The following NDUFAB1 variants were observed in gnomAD, a reference collection of about 807,000 sequenced individuals.
NDUFAB1 encodes the protein NADH:ubiquinone oxidoreductase subunit AB1.
Under a neutral mutation model 16.1 loss-of-function variants are expected in NDUFAB1, and 5 were observed. The ratio of observed to expected loss-of-function variants is 0.31; its 90% CI spans 0.16 to 0.65. The LOEUF is 0.65. Among genes scored for constraint, NDUFAB1 ranks in the 30% least tolerant of loss-of-function variants. The pLI is 0.77. For synonymous variants in NDUFAB1, 85 were observed against 78.4 expected, an observed-to-expected ratio of 1.08 and a Z score of -0.44; for missense variants, 187 against 205.3, an observed-to-expected ratio of 0.91 and a Z score of 0.54.
Position 23,596,127 on chromosome 16 carries a change from G to C in NDUFAB1, c.164C>G (p.Ala55Gly). 2 of 1,606,414 alleles carry C rather than the reference G, an allele frequency of 1.2e-6. No homozygotes were observed. Among genetic ancestry groups the C allele is most frequent in the Non-Finnish European group, 1.7e-6 (2 of 1,176,996 alleles). ...LGTLQPALVL[A>G]QVPGRVTQLC... ...AGCAAAGTCACCACGAGTCACCTGC[G>C]CGAGCACTAAGGCCGGCTGCAAAGT... Residue 55 changes from alanine (A) to glycine (G), a missense_variant, in exon 1 of 5, where the codon GCG becomes GGG. Coordinates refer to ENST00000007516, the MANE Select transcript of NDUFAB1 (RefSeq NM_005003.3).
chr16:23,581,472 G>C (rs187823001), intron 4 of NDUFAB1, among the ~76,000 whole-genome samples: 49 of 151,778 alleles, frequency 3.2e-4, no homozygotes, highest in Non-Finnish European at 6.8e-4. Flanking sequence ...CTTGAACCCA[G>C]GAGGCGGAGG....
rs1477362734 is a variant in NDUFAB1, at chr16:23,582,298, CCTT to C, written c.454_456del (p.Lys152del). The C allele has an allele frequency of 6.4e-7, 1 of 1,561,122 alleles. No homozygotes were observed. The highest frequency in any genetic ancestry group is 8.7e-7 in the Non-Finnish European group (1 of 1,155,648). On this transcript the variant is annotated inframe_deletion, in exon 4 of 5. Transcript: ENST00000007516. ...TACCTGATACTTTATTCATATACAT[CCTT>C]CTTATCTGCAATGTAATCTACAATT...
At chr16:23,590,594 A>G (rs1966271015) in intron 1 of NDUFAB1, among the ~76,000 whole-genome samples, 1 of 151,312 alleles carries the variant, frequency 6.6e-6, no homozygotes, top group Non-Finnish European at 1.5e-5. Flanking sequence ...CGTAGCCCCA[A>G]AATACTTGAT....
intron 3 of NDUFAB1, among the ~76,000 whole-genome samples, chr16:23,583,633 G>A (rs1420310850): frequency 9.8e-5 from 12 of 122,172 alleles, no homozygotes; most frequent in Admixed American, 7.6e-4. Flanking sequence ...CCCCGTCTGA[G>A]AAGTGAGGAG....
chr16:23,591,508 A>C (rs1966278954), intron 1 of NDUFAB1, among the ~76,000 whole-genome samples: 1 of 152,184 alleles, frequency 6.6e-6, no homozygotes, highest in Non-Finnish European at 1.5e-5. Flanking sequence ...CAAACTCAAC[A>C]GTTTGGAAAT....
At chr16:23,596,090 T>A in intron 1 of NDUFAB1, 33 bp downstream of exon 1, 1 of 1,593,238 alleles carries the variant, frequency 6.3e-7, no homozygotes, top group South Asian at 1.1e-5. Context: ...TCCCTGACCC[T>A]TGCCAAGCGG....
chr16:23,584,755 A>G (rs1046496808), intron 3 of NDUFAB1, among the ~76,000 whole-genome samples: 2 of 152,160 alleles, frequency 1.3e-5, no homozygotes, highest in African/African-American at 4.8e-5. Context: ...ATCTGTGAGG[A>G]ATTTTAACTA....
At chr16:23,581,465 G>T (rs1286203040) in intron 4 of NDUFAB1, among the ~76,000 whole-genome samples, 1 of 151,232 alleles carries the variant, frequency 6.6e-6, no homozygotes, top group Non-Finnish European at 1.5e-5. Context: ...AGAATTGCTT[G>T]AACCCAGGAG....
rs574003194 is a variant in NDUFAB1, at chr16:23,590,638, C to CTATTTCTTTTCTT, written c.169-3320_169-3319insAAGAAAAGAAATA. On this transcript the variant is annotated intron_variant, in intron 1 of 4. Transcript: ENST00000007516. The stretch of plus-strand genomic sequence containing the variant: ...CCTCTCATGCTCCTGCCTCTGGTCT[C>CTATTTCTTTTCTT]TTTTTTTTTTTTTTTTCAGACAGAG... Among the ~76,000 whole-genome samples the CTATTTCTTTTCTT allele has an allele frequency of 7.9e-3, 1,048 of 131,844 alleles. 16 individuals are homozygous for CTATTTCTTTTCTT. The highest frequency in any genetic ancestry group is 0.028 in the African/African-American group (988 of 34,790). The allele number at this position is 131,844 out of a possible 152,430, so 86.5% of individuals were successfully genotyped here.
intron 1 of NDUFAB1, among the ~76,000 whole-genome samples, chr16:23,594,788 A>T (rs1966309599): frequency 6.6e-6 from 1 of 150,542 alleles, no homozygotes; most frequent in Admixed American, 6.6e-5. Flanking sequence ...ACGCCTGGCC[A>T]GACACACTTA....
chr16:23,594,109 C>T lies in NDUFAB1; in HGVS notation c.168+2014G>A, dbSNP rs561944839. On this transcript the variant is annotated intron_variant, in intron 1 of 4. Coordinates refer to ENST00000007516, the MANE Select transcript of NDUFAB1 (RefSeq NM_005003.3). ...TGTTAGCCAGGATGGTCTCCATCTC[C>T]TGACCTCGTGATCCGCCCGTCTCGG... is the stretch of plus-strand genomic sequence containing the variant. Among the ~76,000 whole-genome samples, 187 of 151,958 alleles carry T rather than the reference C, an allele frequency of 1.2e-3. 2 individuals carry two copies. The highest frequency in any genetic ancestry group is 4.2e-3 in the African/African-American group (174 of 41,434).
At chr16:23,594,227 C>G (rs751805642) in intron 1 of NDUFAB1, among the ~76,000 whole-genome samples, 17 of 151,904 alleles carry the variant, frequency 1.1e-4, no homozygotes, top group Non-Finnish European at 2.2e-4. Context: ...TTGATACAGC[C>G]AACAGGGCAG....
At chr16:23,587,459 G>C (rs1966243619) in intron 1 of NDUFAB1, 140 bp from the exon 2 acceptor site, 1 of 1,074,290 alleles carries the variant, frequency 9.3e-7, no homozygotes, top group Non-Finnish European at 1.3e-6. Context: ...TGGCCACCAG[G>C]ACACACTAAG....
intron 1 of NDUFAB1, among the ~76,000 whole-genome samples, chr16:23,592,048 G>T (rs1021596668): frequency 2.6e-5 from 4 of 152,220 alleles, no homozygotes; most frequent in Non-Finnish European, 5.9e-5. Flanking sequence ...CACCATGACA[G>T]AAGTATCTGT....
In NDUFAB1 at chr16:23,583,625, CCGTCTG is replaced by C. The variant is rs1266327084; in HGVS notation, c.380-1256_380-1251del. Among the ~76,000 whole-genome samples, 127 of 122,098 alleles carry C rather than the reference CCGTCTG, an allele frequency of 1.0e-3. 4 individuals are homozygous for C. Among genetic ancestry groups the C allele is most frequent in the African/African-American group, 4.2e-3 (120 of 28,252 alleles). 80.1% of individuals were successfully genotyped at this position (122,098 alleles called of 152,430 possible). A position where few individuals can be genotyped will look rare whatever the true frequency, so the allele number is the denominator to read the frequency against. On this transcript the variant is annotated intron_variant, in intron 3 of 4. Transcript: ENST00000007516. Reference sequence around the variant, plus strand: ...GGAGCCCCTCCGCCCGGCAGCCGCCCCGTCTGAGAAGTGAGGAGCCCCTCCGCCCGG... The same window carrying C: ...GGAGCCCCTCCGCCCGGCAGCCGCCCAGAAGTGAGGAGCCCCTCCGCCCGG...
At chr16:23,590,638 C>CTATTTCTTTTTTTTTTT (rs574003194) in intron 1 of NDUFAB1, among the ~76,000 whole-genome samples, 5 of 131,854 alleles carry the variant, frequency 3.8e-5, no homozygotes, top group South Asian at 2.5e-4. Context: ...CCTCTGGTCT[C>CTATTTCTTTTTTTTTTT]TTTTTTTTTT....
chr16:23,595,679 G>A (rs897647708), intron 1 of NDUFAB1: 50 of 460,094 alleles, frequency 1.1e-4, no homozygotes, highest in Admixed American at 3.5e-4. Flanking sequence ...AGAGAAAACC[G>A]CTCTGGAGAA....
At chr16:23,583,808 C>T (rs865942073) in intron 3 of NDUFAB1, among the ~76,000 whole-genome samples, 11 of 151,912 alleles carry the variant, frequency 7.2e-5, no homozygotes, top group African/African-American at 2.2e-4. Context: ...GCGGTTGTTT[C>T]GAATAGAAAA....
chr16:23,594,849 T>C (rs1289007827), intron 1 of NDUFAB1, among the ~76,000 whole-genome samples: 5 of 152,110 alleles, frequency 3.3e-5, no homozygotes. Flanking sequence ...ACCTGAAGTC[T>C]ATGACTTTGA....
Sources: allele counts gnomAD v4.1 joint callset (sites outside exome capture counted in the v4.1 genomes callset), GRCh38; gene constraint gnomAD v4.1.1; transcripts MANE v1.5; gene names NCBI Gene and HGNC (gene_info 2026-07-23, HGNC 2026-07-21).